SND1: variants seen among roughly 807,000 people sequenced by gnomAD.
The protein encoded by SND1 is staphylococcal nuclease and tudor domain containing 1, also known as staphylococcal nuclease domain-containing protein 1.
A neutral mutation model predicts 121.7 loss-of-function variants in SND1; 38 were observed. That is an observed-to-expected ratio of 0.31 (90% CI 0.24 to 0.41). The LOEUF is 0.41. Among genes scored for constraint, SND1 ranks in the 10% least tolerant of loss-of-function variants. The pLI, the probability that SND1 is intolerant of heterozygous loss-of-function variation, is 1.00. For missense variants in SND1, 868 were observed against 1,184.6 expected (o/e 0.73, Z 3.92); for synonymous variants, 401 against 447.4 (o/e 0.90, Z 1.31).
intron 10 of SND1, among the ~76,000 whole-genome samples, chr7:127,792,247 C>G (rs1331419341): frequency 6.6e-6 from 1 of 152,010 alleles, no homozygotes; most frequent in Non-Finnish European, 1.5e-5. Context: ...TGGAGGTGGT[C>G]ATGGTGTGTG....
At chr7:127,728,082 C>G (rs886971094) in intron 10 of SND1, among the ~76,000 whole-genome samples, 26 of 152,196 alleles carry the variant, frequency 1.7e-4, no homozygotes, top group African/African-American at 5.8e-4. Flanking sequence ...ACTGATCTCT[C>G]TAAGTGAATT....
intron 12 of SND1, among the ~76,000 whole-genome samples, chr7:127,846,679 C>A (rs925884744): frequency 7.2e-5 from 11 of 152,320 alleles, no homozygotes; most frequent in Admixed American, 2.0e-4. Context: ...GGCATGACCA[C>A]AGGTTTGTTT....
intron 10 of SND1, among the ~76,000 whole-genome samples, chr7:127,791,573 AT>A (rs1797910577): frequency 6.6e-6 from 1 of 152,058 alleles, no homozygotes; most frequent in Non-Finnish European, 1.5e-5. Flanking sequence ...TCTATAGAAC[AT>A]TTTCGTCTTA....
At chr7:127,727,249 G>A (rs373878229) in intron 10 of SND1, among the ~76,000 whole-genome samples, 1 of 152,188 alleles carries the variant, frequency 6.6e-6, no homozygotes, top group African/African-American at 2.4e-5. Context: ...GGCTCTCCAG[G>A]GCAGGCAGGT....
At chr7:128,048,393 T>G (rs1792989797) in intron 16 of SND1, among the ~76,000 whole-genome samples, 1 of 152,178 alleles carries the variant, frequency 6.6e-6, no homozygotes, top group Non-Finnish European at 1.5e-5. Context: ...GAGTGTGCCT[T>G]GTGGGCATTT....
At chr7:127,799,671 G>A (rs1230231507) in intron 10 of SND1, among the ~76,000 whole-genome samples, 1 of 152,046 alleles carries the variant, frequency 6.6e-6, no homozygotes, top group East Asian at 1.9e-4. Context: ...TTTCCATTTC[G>A]TCTTTGCTTC....
Position 128,084,883 on chromosome 7 carries a change from C to T in SND1, c.2234+36C>T, listed in dbSNP as rs536455893. ...TGGAAAAGCAAGGCAGAGTCTTGAG[C>T]AGGAACGATAGCAGGGCTGTCCTCA... On this transcript the variant is annotated intron_variant, in intron 19 of 23. Coordinates refer to ENST00000354725, the MANE Select transcript of SND1 (RefSeq NM_014390.4). 4.5e-6 allele frequency: 7 copies of T among 1,570,572 alleles called. No homozygotes were observed. In the South Asian group the frequency reaches 6.9e-5, roughly 15 times the overall value.
At chr7:127,939,665 C>G (rs1025431647) in intron 15 of SND1, among the ~76,000 whole-genome samples, 1 of 152,112 alleles carries the variant, frequency 6.6e-6, no homozygotes, top group African/African-American at 2.4e-5. Context: ...AAAAGATAGT[C>G]CTAGTGGTGT....
intron 2 of SND1, among the ~76,000 whole-genome samples, chr7:127,693,664 T>C (rs931405968): frequency 3.3e-5 from 5 of 152,236 alleles, no homozygotes; most frequent in African/African-American, 1.2e-4. Flanking sequence ...GTGTGTAGCA[T>C]GAGTTCTGTG....
rs114161115 is a variant in SND1 at position 128,053,590 on chromosome 7, A to G, written c.1780-20912A>G. Among the ~76,000 whole-genome samples the G allele has an allele frequency of 3.6e-3, 547 of 152,262 alleles. 2 individuals carry two copies. Among genetic ancestry groups the G allele is most frequent in the African/African-American group, 0.012 (512 of 41,538 alleles). ...GAGATACCTGGGCAATGGGGGAAAG[A>G]AATCAGTCCAGGAGCAAGAGGATGG... is the stretch of plus-strand genomic sequence containing the variant. On this transcript the variant is annotated intron_variant, in intron 16 of 23. Coordinates refer to ENST00000354725, the MANE Select transcript of SND1 (RefSeq NM_014390.4).
At chr7:128,063,855 A>G (rs1382484608) in intron 16 of SND1, among the ~76,000 whole-genome samples, 1 of 152,236 alleles carries the variant, frequency 6.6e-6, no homozygotes, top group Non-Finnish European at 1.5e-5. Flanking sequence ...GAACCATGCA[A>G]CTTGTCTGTG....
At chr7:128,032,150 A>C (rs1792636311) in intron 16 of SND1, 1 of 151,716 alleles carries the variant, frequency 6.6e-6, no homozygotes, top group Non-Finnish European at 1.5e-5. Context: ...AGCGTGATGC[A>C]GTGCTCTTAT....
chr7:127,840,718 T>C (rs1403393447), intron 11 of SND1, among the ~76,000 whole-genome samples: 1 of 152,202 alleles, frequency 6.6e-6, no homozygotes, highest in Non-Finnish European at 1.5e-5. Flanking sequence ...GAGGAAGAGA[T>C]CTCAGAATCC....
At chr7:127,998,610 C>T (rs548819015) in intron 16 of SND1, 1 of 152,614 alleles carries the variant, frequency 6.6e-6, no homozygotes, top group African/African-American at 2.4e-5. Flanking sequence ...TGTTATCTGT[C>T]TATTACAGCC....
chr7:127,684,524 T>C (rs1233763679), intron 1 of SND1, among the ~76,000 whole-genome samples: 2 of 152,212 alleles, frequency 1.3e-5, no homozygotes, highest in African/African-American at 4.8e-5. Flanking sequence ...AAGCTCTCCT[T>C]TTCTTCTTTG....
At chr7:127,936,810 G>C (rs115827064) in intron 15 of SND1, among the ~76,000 whole-genome samples, 1 of 152,202 alleles carries the variant, frequency 6.6e-6, no homozygotes, top group Non-Finnish European at 1.5e-5. Flanking sequence ...GTCTCCCAAA[G>C]TGCTAGGATT....
intron 16 of SND1, among the ~76,000 whole-genome samples, chr7:128,040,974 G>A (rs907378173): frequency 6.6e-6 from 1 of 152,196 alleles, no homozygotes. Context: ...TACTGGCCTA[G>A]TAACGTGAGT....
intron 15 of SND1, among the ~76,000 whole-genome samples, chr7:127,976,422 C>G (rs1443114555): frequency 6.6e-6 from 1 of 152,220 alleles, no homozygotes; most frequent in Non-Finnish European, 1.5e-5. Flanking sequence ...CTGATTTTCT[C>G]CCTCACTGCC....
chr7:127,766,321 A>T (rs558892919), intron 10 of SND1, among the ~76,000 whole-genome samples: 1 of 152,352 alleles, frequency 6.6e-6, no homozygotes, highest in East Asian at 1.9e-4. Flanking sequence ...GTATTGTGTT[A>T]TAGCAGCATA....
Sources: allele counts gnomAD v4.1 joint callset (sites outside exome capture counted in the v4.1 genomes callset), GRCh38; gene constraint gnomAD v4.1.1; transcripts MANE v1.5; gene names NCBI Gene and HGNC (gene_info 2026-07-23, HGNC 2026-07-21).